Variants in SAMD12 observed in about 807,000 individuals in gnomAD.
SAMD12 encodes sterile alpha motif domain containing 12.
SAMD12 carries 9 observed loss-of-function variants against 15.0 expected under a neutral mutation model. The observed-to-expected ratio is 0.60, with a 90% CI of 0.36 to 1.05. SAMD12 has a LOEUF of 1.05. SAMD12 is among the 50% of genes least tolerant of loss of function. The pLI is 0.01. For synonymous variants in SAMD12, 86 were observed against 90.1 expected (o/e 0.96, Z 0.25); for missense variants, 230 against 234.2 (o/e 0.98, Z 0.12).
At chr8:118,272,509 T>C (rs1813386871) in intron 4 of SAMD12, among the ~76,000 whole-genome samples, 2 of 152,212 alleles carry the variant, frequency 1.3e-5, no homozygotes, top group African/African-American at 4.8e-5. Context: ...TTGTTAGTTA[T>C]GCAAATTTCT....
chr8:118,168,398 G>A, the SAMD12 span, among the ~76,000 whole-genome samples: 2 of 152,110 alleles, frequency 1.3e-5, no homozygotes, highest in Non-Finnish European at 2.9e-5. Flanking sequence ...TTAGCCCTGA[G>A]ACACTTCATC....
intron 2 of SAMD12, among the ~76,000 whole-genome samples, chr8:118,542,410 C>T (rs1826010047): frequency 6.6e-6 from 1 of 152,114 alleles, no homozygotes; most frequent in Non-Finnish European, 1.5e-5. Flanking sequence ...CACAAGATCA[C>T]AATATTTGCA....
intron 3 of SAMD12, among the ~76,000 whole-genome samples, chr8:118,432,783 T>C (rs999589675): frequency 6.6e-6 from 1 of 151,998 alleles, no homozygotes; most frequent in African/African-American, 2.4e-5. Context: ...CCCTTGAAAG[T>C]AGTTCAGTGG....
At chr8:118,484,913 T>C (rs1281439942) in intron 2 of SAMD12, among the ~76,000 whole-genome samples, 2 of 152,226 alleles carry the variant, frequency 1.3e-5, no homozygotes, top group Non-Finnish European at 2.9e-5. Context: ...ATTGAGAATA[T>C]GGAGGTCAAG....
rs147653058 is a variant in SAMD12 at position 118,434,756 on chromosome 8, G to A, written c.322+5076C>T. ...CTTTAAACCTAACCTCATGATTTCA[G>A]TCTATATATCCTAATGCCTTTCCAG... On this transcript the variant is annotated intron_variant, in intron 3 of 3. Coordinates refer to ENST00000314727, the MANE Select transcript of SAMD12 (RefSeq NM_207506.3). Among the ~76,000 whole-genome samples the A allele has an allele frequency of 5.3e-3, 809 of 152,252 alleles. 4 individuals are homozygous for A. Among genetic ancestry groups the A allele is most frequent in the African/African-American group, 0.018 (764 of 41,548 alleles).
At chr8:118,162,707 C>T in the SAMD12 span, among the ~76,000 whole-genome samples, 2 of 152,036 alleles carry the variant, frequency 1.3e-5, no homozygotes, top group African/African-American at 4.8e-5. Context: ...AAAGGGAAAT[C>T]GAACTGTGTG....
intron 2 of SAMD12, among the ~76,000 whole-genome samples, chr8:118,529,147 AACCAGGAACTTACACTATAC>A (rs1238650971): frequency 6.6e-6 from 1 of 152,138 alleles, no homozygotes; most frequent in Non-Finnish European, 1.5e-5. Flanking sequence ...AAGAAGAGAA[AACCAGGAACTTACACTATAC>A]CAGGAGTTCA....
downstream of SAMD12, among the ~76,000 whole-genome samples, chr8:118,376,774 T>A (rs1819408097): frequency 6.6e-6 from 1 of 151,682 alleles, no homozygotes; most frequent in Non-Finnish European, 1.5e-5. Context: ...TGTTTGTACT[T>A]ATTCAGCATA....
intron 4 of SAMD12, among the ~76,000 whole-genome samples, chr8:118,268,519 GT>G (rs1813261568): frequency 6.6e-6 from 1 of 152,046 alleles, no homozygotes; most frequent in Non-Finnish European, 1.5e-5. Flanking sequence ...CTCTCAACAT[GT>G]TCCATAATTC....
At chr8:118,205,819 C>T (rs1000248454) in intron 4 of SAMD12, among the ~76,000 whole-genome samples, 2 of 152,126 alleles carry the variant, frequency 1.3e-5, no homozygotes, top group East Asian at 1.9e-4. Flanking sequence ...GAAGGGTTCT[C>T]GTGACAAGTG....
At chr8:118,529,720 A>C (rs1825633236) in intron 2 of SAMD12, among the ~76,000 whole-genome samples, 1 of 152,190 alleles carries the variant, frequency 6.6e-6, no homozygotes, top group Admixed American at 6.5e-5. Flanking sequence ...CAAAAGCCAT[A>C]ATTTTATTCT....
chr8:118,320,452 A>G (rs765730902), intron 4 of SAMD12, among the ~76,000 whole-genome samples: 3 of 152,046 alleles, frequency 2.0e-5, no homozygotes, highest in Admixed American at 1.3e-4. Flanking sequence ...GAATGTTTTT[A>G]TTTTCTTTTT....
rs149341793 is a variant in SAMD12 at position 118,272,495 on chromosome 8, C to T, written c.434-74763G>A. 2.4e-3 allele frequency among the ~76,000 whole-genome samples: 371 copies of T among 152,308 alleles called. 4 individuals carry two copies. Among genetic ancestry groups the T allele is most frequent in the African/African-American group, 8.6e-3 (356 of 41,576 alleles). ...CATTGTCTGGGTGATTAACATTTGG[C>T]GCCTTGTTAGTTATGCAAATTTCTG... On this transcript the variant is annotated intron_variant, in intron 4 of 4. Coordinates refer to the SAMD12 transcript ENST00000409003.
chr8:118,204,014 G>A (rs1586339607), intron 4 of SAMD12, among the ~76,000 whole-genome samples: 2 of 151,444 alleles, frequency 1.3e-5, no homozygotes, highest in Non-Finnish European at 2.9e-5. Flanking sequence ...AGTGTGCCTC[G>A]TGTATGTACA....
At chr8:118,531,495 T>C (rs191650587) in intron 2 of SAMD12, among the ~76,000 whole-genome samples, 7 of 152,226 alleles carry the variant, frequency 4.6e-5, no homozygotes, top group African/African-American at 1.7e-4. Context: ...GGGGATGGCA[T>C]TGAATCTATA....
intron 2 of SAMD12, among the ~76,000 whole-genome samples, chr8:118,479,770 T>C (rs573172532): frequency 0.014 from 1,132 of 82,674 alleles, 4 homozygotes; most frequent in Non-Finnish European, 0.02. Context: ...CCTGCCATGA[T>C]ACTCTTTTTT....
At chr8:118,137,784 A>G in the SAMD12 span, among the ~76,000 whole-genome samples, 1 of 152,150 alleles carries the variant, frequency 6.6e-6, no homozygotes, top group Non-Finnish European at 1.5e-5. Context: ...CATCACAAAA[A>G]CATCTCATAA....
chr8:118,146,594 C>T, the SAMD12 span, among the ~76,000 whole-genome samples: 16 of 152,156 alleles, frequency 1.1e-4, no homozygotes, highest in Non-Finnish European at 2.1e-4. Context: ...ACCCATTGCT[C>T]GTTTGTCCAC....
At chr8:118,421,700 T>C (rs978031763) in intron 3 of SAMD12, among the ~76,000 whole-genome samples, 6 of 152,212 alleles carry the variant, frequency 3.9e-5, no homozygotes, top group Non-Finnish European at 5.9e-5. Flanking sequence ...AGATAAAGGA[T>C]ATTTGCTTCC....
Sources: allele counts gnomAD v4.1 joint callset (sites outside exome capture counted in the v4.1 genomes callset), GRCh38; gene constraint gnomAD v4.1.1; transcripts MANE v1.5; gene names NCBI Gene and HGNC (gene_info 2026-07-23, HGNC 2026-07-21).